Variants in DLC1 observed in about 807,000 individuals in gnomAD.
The protein encoded by DLC1 is DLC1 Rho GTPase activating protein.
A neutral mutation model predicts 140.3 loss-of-function variants in DLC1; 54 were observed. The ratio of observed to expected loss-of-function variants is 0.38; its 90% CI spans 0.31 to 0.48. The LOEUF (loss-of-function observed/expected upper bound fraction) is 0.48, where lower values mean the gene tolerates loss of function less well. DLC1 is among the 20% of genes least tolerant of loss of function. DLC1 has a pLI of 0.96. For missense variants in DLC1, 2,536 were observed against 1,907.0 expected (o/e 1.33, Z -6.14); for synonymous variants, 986 against 728.1 (o/e 1.35, Z -5.70).
chr8:13,110,429 C>T (rs912191322), intron 7 of DLC1, among the ~76,000 whole-genome samples: 2 of 152,142 alleles, frequency 1.3e-5, no homozygotes, highest in African/African-American at 2.4e-5. Flanking sequence ...TAATTTCCAT[C>T]GTACCCTTTT....
intron 5 of DLC1, among the ~76,000 whole-genome samples, chr8:13,295,476 C>A (rs1831908863): frequency 1.3e-5 from 2 of 152,190 alleles, no homozygotes; most frequent in South Asian, 4.1e-4. Flanking sequence ...AGCCTGCAGA[C>A]AAGAAGATGG....
chr8:13,116,466 T>C (rs1820565399), intron 5 of DLC1, among the ~76,000 whole-genome samples: 1 of 152,090 alleles, frequency 6.6e-6, no homozygotes, highest in Admixed American at 6.6e-5. Context: ...AATATTCCTT[T>C]CAACTCTTCC....
At chr8:13,120,370 T>TATATATATATATATA (rs369581778) in intron 5 of DLC1, among the ~76,000 whole-genome samples, 4 of 110,872 alleles carry the variant, frequency 3.6e-5, no homozygotes, top group Non-Finnish European at 7.4e-5. Context: ...TATATATATA[T>TATATATATATATATA]AAAATGTATA....
chr8:13,513,035 C>A (rs1802447978), intron 1 of DLC1, among the ~76,000 whole-genome samples: 1 of 147,802 alleles, frequency 6.8e-6, no homozygotes, highest in African/African-American at 2.5e-5. Context: ...TTCTACTGGA[C>A]ATGTTCATAC....
intron 1 of DLC1, among the ~76,000 whole-genome samples, chr8:13,522,757 T>A (rs1036130571): frequency 6.6e-6 from 1 of 152,034 alleles, no homozygotes; most frequent in African/African-American, 2.4e-5. Flanking sequence ...GGGTGTGGAA[T>A]GAGGATTGAG....
intron 5 of DLC1, among the ~76,000 whole-genome samples, chr8:13,247,047 C>T (rs920860518): frequency 6.6e-6 from 1 of 152,176 alleles, no homozygotes; most frequent in Admixed American, 6.5e-5. Flanking sequence ...CCTGTGCTCT[C>T]AACCACATTG....
intron 4 of DLC1, among the ~76,000 whole-genome samples, chr8:13,353,767 G>A (rs1337377679): frequency 6.6e-6 from 1 of 151,872 alleles, no homozygotes. Context: ...TGAGGCAGGA[G>A]AATTGCTTGA....
rs73216397 is a variant in DLC1 at position 13,332,761 on chromosome 8, G to C, written c.1315-27459C>G. On this transcript the variant is annotated intron_variant, in intron 4 of 17. Coordinates refer to ENST00000276297, the MANE Select transcript of DLC1 (RefSeq NM_182643.3). The stretch of plus-strand genomic sequence containing the variant: ...CTTGAGTTTGCTTTTTCTTTAACAA[G>C]TAAATTATGAGTTACTTGATTAACC... Among the ~76,000 whole-genome samples the C allele has an allele frequency of 3.3e-3, 509 of 152,152 alleles. 1 individual carries two copies. Among genetic ancestry groups the C allele is most frequent in the Middle Eastern group, 0.014 (4 of 294 alleles).
intron 4 of DLC1, among the ~76,000 whole-genome samples, chr8:13,387,983 A>T (rs1190970293): frequency 1.3e-5 from 2 of 152,106 alleles, no homozygotes; most frequent in African/African-American, 4.8e-5. Flanking sequence ...CTTCCCAGAA[A>T]TGTGTAAATG....
At chr8:13,470,269 T>A (rs1004062951) in intron 2 of DLC1, among the ~76,000 whole-genome samples, 2 of 152,228 alleles carry the variant, frequency 1.3e-5, no homozygotes, top group African/African-American at 2.4e-5. Flanking sequence ...AAGCACAATG[T>A]ACTAGCTAAC....
chr8:13,226,623 G>A (rs752310560), intron 5 of DLC1, among the ~76,000 whole-genome samples: 2 of 152,164 alleles, frequency 1.3e-5, no homozygotes, highest in East Asian at 1.9e-4. Context: ...CAAACATATG[G>A]CAATTGTAGG....
rs76423840 is a variant in DLC1, at chr8:13,443,912, T to A, written c.1024-42293A>T. ...TCTCCCTATCCCTATTATCCAGGAT[T>A]TACTGACATTATTTAGGTACACAGT... On this transcript the variant is annotated intron_variant, in intron 2 of 17. Transcript: ENST00000276297. 6.5e-3 allele frequency among the ~76,000 whole-genome samples: 984 copies of A among 152,238 alleles called. 12 individuals carry two copies. The highest frequency in any genetic ancestry group is 0.022 in the African/African-American group (929 of 41,540).
At chr8:13,316,105 A>T (rs1051131684) in intron 4 of DLC1, among the ~76,000 whole-genome samples, 5 of 152,226 alleles carry the variant, frequency 3.3e-5, no homozygotes, top group Non-Finnish European at 5.9e-5. Flanking sequence ...TTAACAAAGT[A>T]CACTCAGACA....
At chr8:13,220,229 G>A (rs1255886077) in intron 5 of DLC1, among the ~76,000 whole-genome samples, 1 of 152,128 alleles carries the variant, frequency 6.6e-6, no homozygotes, top group African/African-American at 2.4e-5. Context: ...TTTGGTCTCT[G>A]GGAAGGCAAG....
chr8:13,240,105 C>T (rs1424301437), intron 5 of DLC1, among the ~76,000 whole-genome samples: 1 of 152,018 alleles, frequency 6.6e-6, no homozygotes, highest in Non-Finnish European at 1.5e-5. Flanking sequence ...ATGGAAACTT[C>T]CACAGGAACA....
intron 5 of DLC1, among the ~76,000 whole-genome samples, chr8:13,291,730 T>C (rs1426639247): frequency 6.6e-6 from 1 of 152,154 alleles, no homozygotes; most frequent in Admixed American, 6.5e-5. Flanking sequence ...TTATGTAGTA[T>C]TCTCTTTCCC....
chr8:13,164,682 T>C (rs1189895551), intron 5 of DLC1, among the ~76,000 whole-genome samples: 2 of 152,188 alleles, frequency 1.3e-5, no homozygotes, highest in Non-Finnish European at 2.9e-5. Context: ...CAGACATTGA[T>C]ACTTTTACAT....
chr8:13,594,144 G>T (rs1372210546), intron 1 of DLC1, among the ~76,000 whole-genome samples: 1 of 152,086 alleles, frequency 6.6e-6, no homozygotes, highest in Non-Finnish European at 1.5e-5. Context: ...CTGGGCAACA[G>T]AGCGAGACCT....
rs1359783902 is a variant in DLC1, at chr8:13,453,424, GTGTA to G, written c.1023+45621_1023+45624del. Among the ~76,000 whole-genome samples the G allele has an allele frequency of 1.2e-4, 7 of 56,536 alleles. 1 individual carries two copies. 37.1% of individuals were successfully genotyped at this position (56,536 alleles called of 152,430 possible). On this transcript the variant is annotated intron_variant, in intron 2 of 17. Coordinates refer to ENST00000276297, the MANE Select transcript of DLC1 (RefSeq NM_182643.3). ...TATGTGTATATATATATATATATAT[GTGTA>G]TATATATATGTATATATATACATAT...
Sources: allele counts gnomAD v4.1 joint callset (sites outside exome capture counted in the v4.1 genomes callset), GRCh38; gene constraint gnomAD v4.1.1; transcripts MANE v1.5; gene names NCBI Gene and HGNC (gene_info 2026-07-23, HGNC 2026-07-21).